ZCCHC10: variants seen among roughly 807,000 people sequenced by gnomAD.
ZCCHC10 encodes zinc finger CCHC-type containing 10, also known as zinc finger CCHC domain-containing protein 10.
ZCCHC10 carries 16 observed loss-of-function variants against 19.5 expected under a neutral mutation model. The ratio of observed to expected loss-of-function variants is 0.82; its 90% CI spans 0.56 to 1.25. The LOEUF is 1.25. Ranked by LOEUF, ZCCHC10 falls within the 50% of genes most tolerant of loss-of-function variation. ZCCHC10 has a pLI of 0.00. For synonymous variants in ZCCHC10, 67 were observed against 72.5 expected, an observed-to-expected ratio of 0.92 and a Z score of 0.38; for missense variants, 197 against 201.0, an observed-to-expected ratio of 0.98 and a Z score of 0.12.
At chr5:133,022,273 C>A (rs1324719592) in intron 2 of ZCCHC10, among the ~76,000 whole-genome samples, 1 of 151,876 alleles carries the variant, frequency 6.6e-6, no homozygotes, top group African/African-American at 2.4e-5. Context: ...CTAAGACACA[C>A]ACACATTAGC....
chr5:133,000,126 A>AC lies in ZCCHC10; in HGVS notation c.311+5dup. ...ATCTATAAAACACTGCTAAAACCAC[A>AC]CATACCTTTTTTTCTTGGCCTTTCT... On this transcript the variant is annotated splice_donor_region_variant and intron_variant, in intron 4 of 4. Transcript: ENST00000509437. 1.9e-6 allele frequency: 3 copies of AC among 1,613,712 alleles called. No homozygotes were observed. The highest frequency in any genetic ancestry group is 2.5e-6 in the Non-Finnish European group (3 of 1,179,900).
At chr5:133,003,316 C>T in intron 3 of ZCCHC10, 2 of 438,182 alleles carry the variant, frequency 4.6e-6, no homozygotes, top group South Asian at 3.6e-5. Flanking sequence ...AAGTTCTACT[C>T]AGTGAATGTG....
chr5:132,998,277 G>C lies in ZCCHC10; in HGVS notation c.*306C>G, dbSNP rs963047452. 9.1e-5 allele frequency: 25 copies of C among 274,598 alleles called. No homozygotes were observed. Among genetic ancestry groups the C allele is most frequent in the African/African-American group, 5.5e-4 (25 of 45,084 alleles). 17.0% of individuals were successfully genotyped at this position (274,598 alleles called of 1,614,324 possible). A position where few individuals can be genotyped will look rare whatever the true frequency, so the allele number is the denominator to read the frequency against. On this transcript the variant is annotated 3_prime_UTR_variant, in exon 5 of 5. Coordinates refer to ENST00000509437, the MANE Select transcript of ZCCHC10 (RefSeq NM_001300816.3). ...ACATACCACTAACATATATAACAAA[G>C]TATGGCATTTATTTCACAGAGAGAA...
chr5:133,008,426 T>C (rs1248517804), intron 2 of ZCCHC10, among the ~76,000 whole-genome samples: 1 of 147,830 alleles, frequency 6.8e-6, no homozygotes. Context: ...TAATCCCAGC[T>C]ACATGGGAGG....
intron 2 of ZCCHC10, among the ~76,000 whole-genome samples, chr5:133,012,155 AG>A (rs57240294): frequency 0.18 from 11,638 of 65,628 alleles, 1,115 homozygotes; most frequent in East Asian, 0.24. Context: ...AAAAAAAAAA[AG>A]AAAGAAAGAA....
chr5:133,013,661 G>A (rs988435860), intron 2 of ZCCHC10, among the ~76,000 whole-genome samples: 1 of 152,068 alleles, frequency 6.6e-6, no homozygotes, highest in Non-Finnish European at 1.5e-5. Context: ...GGCGGATGCT[G>A]TGGCCAGCCA....
intron 2 of ZCCHC10, among the ~76,000 whole-genome samples, chr5:133,015,096 T>G (rs1763832789): frequency 6.6e-6 from 1 of 150,866 alleles, no homozygotes. Flanking sequence ...TTTTTTTTTT[T>G]GAGACTAAGT....
intron 2 of ZCCHC10, among the ~76,000 whole-genome samples, chr5:133,008,086 G>A (rs1172561811): frequency 3.3e-5 from 5 of 151,536 alleles, no homozygotes; most frequent in East Asian, 1.9e-4. Context: ...TTAGCCGGGC[G>A]TGGTGGTGGG....
chr5:133,000,644 C>CTTT (rs200042984), intron 3 of ZCCHC10, among the ~76,000 whole-genome samples: 1 of 134,534 alleles, frequency 7.4e-6, no homozygotes. Context: ...CCGTTATTTA[C>CTTT]TTTTTTTTTT....
intron 3 of ZCCHC10, among the ~76,000 whole-genome samples, chr5:133,000,555 G>C (rs1208423767): frequency 6.6e-6 from 1 of 151,298 alleles, no homozygotes. Context: ...TGAGTTCTCA[G>C]AATCATACAA....
Position 132,998,646 on chromosome 5 carries a change from G to A in ZCCHC10, c.516C>T (p.Ser172=), listed in dbSNP as rs1762569396. 2.5e-6 allele frequency: 4 copies of A among 1,614,138 alleles called. No individual in the cohort carries two copies. The highest frequency in any genetic ancestry group is 2.5e-6 in the Non-Finnish European group (3 of 1,180,032). The part of the protein sequence containing the change: ...DSDSDSSSSS[S]SSTSTDSSSD... ...AGCTGCTATCTGTGCTGGTGCTACTGCTACTGGAAGAGCTGGAATCTGAGT... is the reference window on the plus strand; with the variant it reads ...AGCTGCTATCTGTGCTGGTGCTACTACTACTGGAAGAGCTGGAATCTGAGT... The change falls in exon 5 of 5, where the codon AGC becomes AGT. Residue 172 remains serine, a synonymous_variant. Coordinates refer to ENST00000509437, the MANE Select transcript of ZCCHC10 (RefSeq NM_001300816.3).
At chr5:133,026,327 A>G (rs1322858026) in intron 1 of ZCCHC10, among the ~76,000 whole-genome samples, 170 bp downstream of exon 1, 1 of 152,176 alleles carries the variant, frequency 6.6e-6, no homozygotes, top group Non-Finnish European at 1.5e-5. Context: ...CGAAATCGCT[A>G]ACCCCCGGTC....
At chr5:133,025,373 G>A (rs1213780416) in intron 1 of ZCCHC10, among the ~76,000 whole-genome samples, 2 of 151,538 alleles carry the variant, frequency 1.3e-5, no homozygotes, top group Non-Finnish European at 2.9e-5. Context: ...GCATGGTGGC[G>A]GGCGCCTGTA....
intron 2 of ZCCHC10, chr5:133,019,000 T>C (rs1764110392): frequency 2.3e-6 from 1 of 426,250 alleles, no homozygotes; most frequent in Admixed American, 2.8e-5. Flanking sequence ...AACTGGTAGC[T>C]TGGGACCCTA....
At chr5:133,022,441 G>A (rs1226384609) in intron 2 of ZCCHC10, among the ~76,000 whole-genome samples, 1 of 150,884 alleles carries the variant, frequency 6.6e-6, no homozygotes, top group Middle Eastern at 3.2e-3. Flanking sequence ...GGCCTGCATG[G>A]TTTGGTATTG....
intron 2 of ZCCHC10, among the ~76,000 whole-genome samples, chr5:133,021,280 C>T (rs1180857985): frequency 6.6e-6 from 1 of 152,198 alleles, no homozygotes; most frequent in Non-Finnish European, 1.5e-5. Flanking sequence ...CCGCCCACCT[C>T]AGCCTCCCAA....
At chr5:133,019,066 C>T (rs1365974777) in intron 2 of ZCCHC10, 3 of 451,784 alleles carry the variant, frequency 6.6e-6, no homozygotes, top group Non-Finnish European at 1.3e-5. Flanking sequence ...GTTATAAATA[C>T]GACATTCACA....
In ZCCHC10 at chr5:133,010,140, C is replaced by G. The variant is rs979384752; in HGVS notation, c.108-3220G>C. 2.0e-5 allele frequency among the ~76,000 whole-genome samples: 3 copies of G among 150,482 alleles called. No homozygotes were observed. In the Admixed American group the frequency reaches 2.0e-4, roughly 10 times the overall value. On this transcript the variant is annotated intron_variant, in intron 2 of 4. Transcript: ENST00000509437. The stretch of plus-strand genomic sequence containing the variant: ...CTTGGCTTACTGCAGCCTCTGCCCC[C>G]CAGGTTCAAGCAATTTTCCTGCCTC...
At chr5:133,011,622 T>C (rs1204747535) in intron 2 of ZCCHC10, among the ~76,000 whole-genome samples, 2 of 72,070 alleles carry the variant, frequency 2.8e-5, no homozygotes, top group South Asian at 4.2e-4. Flanking sequence ...TGAGACTCCA[T>C]CTAAAAAAAA....
Sources: gnomAD v4.1 joint callset for allele counts (sites outside exome capture counted in the v4.1 genomes callset) on GRCh38, gnomAD v4.1.1 for gene constraint, MANE v1.5 for transcripts, NCBI Gene and HGNC (gene_info 2026-07-23, HGNC 2026-07-21) for gene names.